The following TAF3 variants were observed in gnomAD, a reference collection of about 807,000 sequenced individuals.
The protein encoded by TAF3 is transcription initiation factor TFIID subunit 3.
In TAF3, 7 loss-of-function variants were observed where a neutral mutation model predicts 80.6. That is an observed-to-expected ratio of 0.09 (90% CI 0.05 to 0.16). TAF3 has a LOEUF of 0.16. Ranked by LOEUF, TAF3 falls within the 10% of genes least tolerant of loss-of-function variation. The pLI, the probability that TAF3 is intolerant of heterozygous loss-of-function variation, is 1.00. For synonymous variants in TAF3, 444 were observed against 446.1 expected, an observed-to-expected ratio of 1.00 and a Z score of 0.06; for missense variants, 921 against 1,140.2, an observed-to-expected ratio of 0.81 and a Z score of 2.77.
chr10:7,977,840 T>C (rs1388926204), intron 4 of TAF3, among the ~76,000 whole-genome samples: 1 of 152,218 alleles, frequency 6.6e-6, no homozygotes, highest in Non-Finnish European at 1.5e-5. Context: ...CACTTTTTTT[T>C]AAGGAAGCCC....
chr10:7,872,295 G>A (rs560534946), intron 2 of TAF3, among the ~76,000 whole-genome samples: 2 of 138,568 alleles, frequency 1.4e-5, no homozygotes, highest in African/African-American at 5.4e-5. Flanking sequence ...TTTTTTAAAA[G>A]CAATGTTCTC....
chr10:7,918,866 A>C (rs779319629), intron 2 of TAF3, among the ~76,000 whole-genome samples: 14 of 152,178 alleles, frequency 9.2e-5, no homozygotes, highest in Non-Finnish European at 1.9e-4. Flanking sequence ...GAGGGATAGC[A>C]GGTGGAAGGA....
At chr10:7,887,274 T>G (rs1837417735) in intron 2 of TAF3, among the ~76,000 whole-genome samples, 1 of 150,996 alleles carries the variant, frequency 6.6e-6, no homozygotes, top group Admixed American at 6.6e-5. Flanking sequence ...AAGGAAATGA[T>G]GAGGAAAACT....
chr10:7,993,545 C>G (rs1410987634), intron 4 of TAF3, among the ~76,000 whole-genome samples: 1 of 152,156 alleles, frequency 6.6e-6, no homozygotes, highest in Non-Finnish European at 1.5e-5. Context: ...GAATATCTCA[C>G]TTTCTGGATT....
rs780723796 is a variant in TAF3, at chr10:7,964,651, G to A, written c.1141G>A (p.Val381Met). The change falls in exon 3 of 7, where the codon GTG becomes ATG. Residue 381 changes from valine to methionine, a missense_variant. By Grantham distance (21) the Val-to-Met change is conservative (BLOSUM62 1). Coordinates refer to ENST00000344293, the MANE Select transcript of TAF3 (RefSeq NM_031923.4). The surrounding 1 kb of genome is among the most constrained non-coding windows in gnomAD (Gnocchi z 4.1). ...LNSENQPKKAVVADKTIEASI... is the reference protein window; with the variant it reads ...LNSENQPKKAMVADKTIEASI... ...CAGTGAGAATCAGCCGAAAAAGGCT[G>A]TGGTAGCAGATAAAACGATTGAGGC... 4 of 1,614,208 alleles carry A rather than the reference G, an allele frequency of 2.5e-6. No homozygotes were observed. Among genetic ancestry groups the A allele is most frequent in the Non-Finnish European group, 3.4e-6 (4 of 1,180,038 alleles).
At chr10:7,988,352 G>A (rs564076456) in intron 4 of TAF3, among the ~76,000 whole-genome samples, 80 of 151,938 alleles carry the variant, frequency 5.3e-4, no homozygotes, top group South Asian at 5.0e-3. Context: ...CACTTTGGGA[G>A]GCCAAGGCAA....
chr10:7,902,531 A>G (rs766049641), intron 2 of TAF3, among the ~76,000 whole-genome samples: 45 of 152,144 alleles, frequency 3.0e-4, no homozygotes, highest in Non-Finnish European at 8.8e-5. Context: ...CAGGGGAAAA[A>G]CGTTTCTCAG....
chr10:7,833,835 C>T, intron 2 of TAF3: 1 of 689,850 alleles, frequency 1.4e-6, no homozygotes, highest in Non-Finnish European at 2.1e-6. Flanking sequence ...AGAACTGTCT[C>T]CCTTCCTGGG....
chr10:8,003,862 A>C (rs1831967987), intron 4 of TAF3, among the ~76,000 whole-genome samples: 4 of 152,168 alleles, frequency 2.6e-5, no homozygotes. Flanking sequence ...CCTGGGCAAC[A>C]GAGCAAGACG....
At chr10:8,011,524 C>T (rs1832056163) in intron 5 of TAF3, among the ~76,000 whole-genome samples, 1 of 152,210 alleles carries the variant, frequency 6.6e-6, no homozygotes, top group Admixed American at 6.5e-5. Context: ...AGTCCTTCCA[C>T]CTTGGCCTCC....
chr10:7,964,491 G>A lies in TAF3; in HGVS notation c.981G>A (p.Thr327=), dbSNP rs374346258. The change falls in exon 3 of 7, where the codon ACG becomes ACA. Residue 327 remains threonine, a synonymous_variant. Coordinates refer to ENST00000344293, the MANE Select transcript of TAF3 (RefSeq NM_031923.4). The surrounding 1 kb of genome is among the most constrained non-coding windows in gnomAD (Gnocchi z 4.1). The stretch of plus-strand genomic sequence containing the variant: ...AGAGTCCCAAGAGCCCCAAGGTCAC[G>A]ACTCACATTCCCCAAACACCTGTGA... ...SPKSPKSPKV[T]THIPQTPVRP... The A allele has an allele frequency of 2.1e-4, 337 of 1,613,124 alleles. No homozygotes were observed. The highest frequency in any genetic ancestry group is 2.4e-4 in the Non-Finnish European group (286 of 1,179,680).
At position 7,925,956 on chromosome 10, in the gene TAF3, G is replaced by A. The variant is rs561673673; in HGVS notation, c.410-37964G>A. ...AGGCCAGGTGCAGTGGCTCATGCCT[G>A]TAATCCTAGCACTTTAGGAGGCCAA... On this transcript the variant is annotated intron_variant, in intron 2 of 6. Transcript: ENST00000344293. 2.0e-5 allele frequency among the ~76,000 whole-genome samples: 3 copies of A among 152,290 alleles called. No individual in the cohort carries two copies. In the East Asian group the frequency reaches 5.8e-4, roughly 29 times the overall value.
chr10:7,888,120 G>T, intron 2 of TAF3, among the ~76,000 whole-genome samples: 1 of 152,004 alleles, frequency 6.6e-6, no homozygotes, highest in Non-Finnish European at 1.5e-5. Flanking sequence ...TCGCCTGCAA[G>T]CACACTCAGA....
intron 2 of TAF3, among the ~76,000 whole-genome samples, chr10:7,827,069 G>T (rs147391661): frequency 1.6e-4 from 24 of 152,238 alleles, no homozygotes; most frequent in Admixed American, 1.1e-3. Context: ...CACTCAGCTT[G>T]GTTCATGTCA....
intron 2 of TAF3, among the ~76,000 whole-genome samples, chr10:7,934,964 A>G (rs562524273): frequency 4.3e-4 from 65 of 152,252 alleles, no homozygotes; most frequent in Non-Finnish European, 6.0e-4. Flanking sequence ...AAAACACATA[A>G]AACAATAAAT....
intron 2 of TAF3, among the ~76,000 whole-genome samples, chr10:7,910,595 G>A (rs1837648262): frequency 6.6e-6 from 1 of 152,118 alleles, no homozygotes; most frequent in Admixed American, 6.5e-5. Context: ...TGGCCAGGCT[G>A]GTCTCCAACT....
chr10:7,828,828 G>T (rs575099604), intron 2 of TAF3, among the ~76,000 whole-genome samples: 188 of 152,094 alleles, frequency 1.2e-3, no homozygotes, highest in African/African-American at 4.3e-3. Flanking sequence ...GAGGTCAGGA[G>T]TTCAAGACGA....
At chr10:7,865,490 CAAACAAACAAACAAAG>C (rs1307133186) in intron 2 of TAF3, among the ~76,000 whole-genome samples, 2 of 144,538 alleles carry the variant, frequency 1.4e-5, no homozygotes, top group African/African-American at 5.0e-5. Flanking sequence ...AACAAACAAA[CAAACAAACAAACAAAG>C]AAACAAACAG....
intron 2 of TAF3, among the ~76,000 whole-genome samples, chr10:7,824,833 CA>C (rs1262438224): frequency 1.3e-5 from 2 of 152,182 alleles, no homozygotes; most frequent in East Asian, 3.9e-4. Context: ...AGCCTTTCAA[CA>C]GCCCTATTAT....
Sources: allele counts gnomAD v4.1 joint callset (sites outside exome capture counted in the v4.1 genomes callset), GRCh38; gene constraint gnomAD v4.1.1; non-coding constraint Gnocchi (gnomAD v3.1); transcripts MANE v1.5; gene names NCBI Gene and HGNC (gene_info 2026-07-23, HGNC 2026-07-21).